The following CYP2C19 variants were observed in gnomAD, a reference collection of about 807,000 sequenced individuals.
The protein encoded by CYP2C19 is cytochrome P450 family 2 subfamily C member 19.
A neutral mutation model predicts 40.9 loss-of-function variants in CYP2C19; 59 were observed. The observed-to-expected ratio is 1.44, with a 90% CI of 1.17 to 1.79. The LOEUF (loss-of-function observed/expected upper bound fraction) is 1.79. Among genes scored for constraint, CYP2C19 ranks in the 40% most tolerant of loss-of-function variants. CYP2C19 has a pLI of 0.00. For missense variants in CYP2C19, 754 were observed against 596.9 expected, an observed-to-expected ratio of 1.26 and a Z score of -2.74; for synonymous variants, 253 against 208.7, an observed-to-expected ratio of 1.21 and a Z score of -1.83.
At position 94,853,117 on chromosome 10, in the gene CYP2C19, A is replaced by G. The variant is rs1189695014; in HGVS notation, c.*203A>G. ...ATTCCCCATACTCTATAATAGTTAC[A>G]TTGAGTGCCACATAATGCTGATACT... On this transcript the variant is annotated 3_prime_UTR_variant, in exon 9 of 9. Transcript: ENST00000371321. 3.4e-6 allele frequency: 2 copies of G among 585,150 alleles called. No individual in the cohort carries two copies. The highest frequency in any genetic ancestry group is 6.0e-6 in the Non-Finnish European group (2 of 334,778). The allele number at this position is 585,150 out of a possible 1,614,324, so 36.2% of individuals were successfully genotyped here.
At chr10:94,837,233 G>T (rs972248033) in intron 6 of CYP2C19, among the ~76,000 whole-genome samples, 1 of 152,152 alleles carries the variant, frequency 6.6e-6, no homozygotes, top group Non-Finnish European at 1.5e-5. Context: ...GTATTGCAGG[G>T]GCTATTGCAT....
At chr10:94,830,311 C>T (rs4445573) in intron 6 of CYP2C19, among the ~76,000 whole-genome samples, 26,426 of 152,222 alleles carry the variant, frequency 0.17, 2,498 homozygotes, top group South Asian at 0.33. Context: ...AGTGAGACTC[C>T]GTGGGCGTAG....
At chr10:94,801,522 A>T (rs1023450474) in intron 5 of CYP2C19, among the ~76,000 whole-genome samples, 3 of 152,140 alleles carry the variant, frequency 2.0e-5, no homozygotes, top group African/African-American at 7.2e-5. Context: ...TTATGTGATC[A>T]ATTTTAGACT....
intron 1 of CYP2C19, among the ~76,000 whole-genome samples, chr10:94,772,317 T>C (rs530643873): frequency 6.6e-6 from 1 of 152,226 alleles, no homozygotes; most frequent in African/African-American, 2.4e-5. Flanking sequence ...AATTATGTCT[T>C]TCTGATTGGT....
intron 6 of CYP2C19, among the ~76,000 whole-genome samples, chr10:94,826,641 C>A (rs912340674): frequency 8.5e-5 from 13 of 152,128 alleles, no homozygotes; most frequent in Middle Eastern, 3.4e-3. Context: ...CTAATTGAAT[C>A]CCCTTTATTT....
At chr10:94,810,577 C>G (rs916762770) in intron 5 of CYP2C19, among the ~76,000 whole-genome samples, 9 of 152,050 alleles carry the variant, frequency 5.9e-5, no homozygotes, top group African/African-American at 2.2e-4. Context: ...TGTTATTGGT[C>G]TCTTCACGGA....
At chr10:94,766,043 G>T (rs1320684955) in intron 1 of CYP2C19, among the ~76,000 whole-genome samples, 5 of 152,118 alleles carry the variant, frequency 3.3e-5, no homozygotes, top group African/African-American at 1.2e-4. Flanking sequence ...GGTATTCTTG[G>T]TCCTATCAGA....
intron 6 of CYP2C19, among the ~76,000 whole-genome samples, chr10:94,822,726 C>G (rs1849145039): frequency 6.6e-6 from 1 of 152,150 alleles, no homozygotes; most frequent in Admixed American, 6.5e-5. Context: ...GCAACCTCAC[C>G]AGCATCTCTT....
chr10:94,810,887 A>G (rs1279938681), intron 5 of CYP2C19, among the ~76,000 whole-genome samples: 1 of 152,144 alleles, frequency 6.6e-6, no homozygotes, highest in African/African-American at 2.4e-5. Context: ...ATCTCCTTCA[A>G]TTCTGCTCTG....
At chr10:94,795,276 A>G (rs891593430) in intron 5 of CYP2C19, among the ~76,000 whole-genome samples, 1 of 151,166 alleles carries the variant, frequency 6.6e-6, no homozygotes, top group Non-Finnish European at 1.5e-5. Context: ...TCCTTGCCAT[A>G]GTTTGCTGAG....
At chr10:94,789,154 G>A (rs1424512434) in intron 5 of CYP2C19, among the ~76,000 whole-genome samples, 1 of 151,914 alleles carries the variant, frequency 6.6e-6, no homozygotes, top group Non-Finnish European at 1.5e-5. Flanking sequence ...CTTTTGAGAA[G>A]GGTCTGTTGA....
At chr10:94,835,461 G>A (rs1461859476) in intron 6 of CYP2C19, among the ~76,000 whole-genome samples, 1 of 152,134 alleles carries the variant, frequency 6.6e-6, no homozygotes, top group Non-Finnish European at 1.5e-5. Context: ...TGAGTATTGG[G>A]GCTTGGTTTC....
intron 6 of CYP2C19, among the ~76,000 whole-genome samples, chr10:94,825,286 G>GCA (rs1564677396): frequency 3.6e-5 from 5 of 139,282 alleles, no homozygotes; most frequent in Non-Finnish European, 6.2e-5. Flanking sequence ...GTGTAAAAGT[G>GCA]TTCCTATTTC....
chr10:94,828,038 A>G (rs1340359820), intron 6 of CYP2C19, among the ~76,000 whole-genome samples: 2 of 152,020 alleles, frequency 1.3e-5, no homozygotes, highest in Non-Finnish European at 2.9e-5. Flanking sequence ...ACAGTTTGCC[A>G]TAATTTCTGT....
At chr10:94,841,621 G>A (rs894759187) in intron 6 of CYP2C19, among the ~76,000 whole-genome samples, 4 of 152,174 alleles carry the variant, frequency 2.6e-5, no homozygotes, top group Admixed American at 1.3e-4. Context: ...TTTGATGTAA[G>A]CTCTTAGAGC....
intron 5 of CYP2C19, among the ~76,000 whole-genome samples, chr10:94,782,323 C>A (rs1848490025): frequency 6.6e-6 from 1 of 152,010 alleles, no homozygotes; most frequent in Non-Finnish European, 1.5e-5. Context: ...AAATAAAAAA[C>A]ATCTCCATCA....
intron 1 of CYP2C19, among the ~76,000 whole-genome samples, chr10:94,773,675 T>C (rs565476003): frequency 1.4e-4 from 21 of 152,292 alleles, no homozygotes; most frequent in Non-Finnish European, 2.5e-4. Context: ...TCTGGAGTTG[T>C]TCGTTCCTCC....
At chr10:94,764,719 T>C (rs1452734238) in intron 1 of CYP2C19, among the ~76,000 whole-genome samples, 4 of 152,074 alleles carry the variant, frequency 2.6e-5, no homozygotes, top group African/African-American at 9.7e-5. Context: ...TTGAGCTCAT[T>C]TGGGGTTCCA....
chr10:94,794,352 G>A (rs1242636965), intron 5 of CYP2C19, among the ~76,000 whole-genome samples: 18 of 152,068 alleles, frequency 1.2e-4, no homozygotes, highest in Admixed American at 1.2e-3. Flanking sequence ...CACTCCATGG[G>A]CTGTACCCAT....
Sources: gnomAD v4.1 joint callset for allele counts (sites outside exome capture counted in the v4.1 genomes callset) on GRCh38, gnomAD v4.1.1 for gene constraint, MANE v1.5 for transcripts, NCBI Gene and HGNC (gene_info 2026-07-23, HGNC 2026-07-21) for gene names.